GTPBP10: variants seen among roughly 807,000 people sequenced by gnomAD.
GTPBP10 encodes GTP binding protein 10.
Under a neutral mutation model 44.8 loss-of-function variants are expected in GTPBP10, and 38 were observed. The observed-to-expected ratio is 0.85, with a 90% CI of 0.65 to 1.11. The LOEUF is 1.11. Ranked by LOEUF, GTPBP10 falls within the 50% of genes most tolerant of loss-of-function variation. The pLI, the probability that GTPBP10 is intolerant of heterozygous loss-of-function variation, is 0.00. For synonymous variants in GTPBP10, 152 were observed against 150.6 expected (o/e 1.01, Z -0.07); for missense variants, 462 against 453.7 (o/e 1.02, Z -0.17).
intron 4 of GTPBP10, among the ~76,000 whole-genome samples, chr7:90,364,060 C>T (rs1796082351): frequency 6.6e-6 from 1 of 152,172 alleles, no homozygotes; most frequent in African/African-American, 2.4e-5. Flanking sequence ...AGGTTTTTAG[C>T]TTCTTTGTGA....
chr7:90,356,691 G>A (rs887348389), intron 4 of GTPBP10, among the ~76,000 whole-genome samples: 10 of 150,940 alleles, frequency 6.6e-5, no homozygotes, highest in East Asian at 1.9e-4. Flanking sequence ...TTTTCACCAC[G>A]TCATTTGTTT....
chr7:90,353,535 G>T (rs1343530519), intron 2 of GTPBP10, among the ~76,000 whole-genome samples: 1 of 152,018 alleles, frequency 6.6e-6, no homozygotes, highest in Non-Finnish European at 1.5e-5. Flanking sequence ...CAGAATACCT[G>T]CATAATAAAT....
In GTPBP10 at chr7:90,383,024, G is replaced by A; in HGVS notation, c.846G>A (p.Leu282=). ...PALLAVNKMD[L]PDAQDKFHEL... ...TCTTGGCAGTTAATAAAATGGACTTGCCAGATGCCCAAGATAAGTTCCATG... is the reference window on the plus strand; with the variant it reads ...TCTTGGCAGTTAATAAAATGGACTTACCAGATGCCCAAGATAAGTTCCATG... Residue 282 remains leucine, a synonymous_variant, in exon 9 of 10, where the codon TTG becomes TTA. Coordinates refer to ENST00000222511, the MANE Select transcript of GTPBP10 (RefSeq NM_033107.4). The A allele has an allele frequency of 6.3e-7, 1 of 1,598,064 alleles. No homozygotes were observed. The highest frequency in any genetic ancestry group is 8.5e-7 in the Non-Finnish European group (1 of 1,169,688).
intron 1 of GTPBP10, among the ~76,000 whole-genome samples, chr7:90,352,145 G>C (rs1795802296): frequency 6.6e-6 from 1 of 152,224 alleles, no homozygotes; most frequent in African/African-American, 2.4e-5. Context: ...TGTGGTGCAG[G>C]TACTAGGGCA....
At chr7:90,374,386 G>A (rs1796309243) in intron 6 of GTPBP10, 32 bp downstream of exon 6, 1 of 1,374,908 alleles carries the variant, frequency 7.3e-7, no homozygotes. Flanking sequence ...CACTATATTA[G>A]AAGTCAAAAG....
At chr7:90,384,263 T>A (rs1446919758) in intron 9 of GTPBP10, among the ~76,000 whole-genome samples, 1 of 152,212 alleles carries the variant, frequency 6.6e-6, no homozygotes, top group Non-Finnish European at 1.5e-5. Flanking sequence ...GCCTTTCTAG[T>A]TCATATCAGT....
At chr7:90,370,155 A>C (rs1307458346) in intron 4 of GTPBP10, among the ~76,000 whole-genome samples, 1 of 152,300 alleles carries the variant, frequency 6.6e-6, no homozygotes, top group South Asian at 2.1e-4. Flanking sequence ...AGATTTCTCA[A>C]AGAACTGAAA....
chr7:90,366,940 C>G (rs1198198760), intron 4 of GTPBP10, among the ~76,000 whole-genome samples: 4 of 152,150 alleles, frequency 2.6e-5, no homozygotes, highest in Non-Finnish European at 5.9e-5. Context: ...ATAAATTTCC[C>G]TCTCCACACT....
intron 4 of GTPBP10, among the ~76,000 whole-genome samples, chr7:90,361,533 G>T (rs1796021159): frequency 6.6e-6 from 1 of 152,170 alleles, no homozygotes; most frequent in Non-Finnish European, 1.5e-5. Flanking sequence ...GATTCAGTTT[G>T]CCAGTATTTT....
chr7:90,352,161 A>G (rs1251124656), intron 1 of GTPBP10, among the ~76,000 whole-genome samples: 1 of 152,214 alleles, frequency 6.6e-6, no homozygotes, highest in Non-Finnish European at 1.5e-5. Flanking sequence ...GGGCAGTGGT[A>G]CTGGAGAGAA....
chr7:90,383,693 C>T (rs977803339), intron 9 of GTPBP10: 1 of 152,128 alleles, frequency 6.6e-6, no homozygotes, highest in Non-Finnish European at 1.5e-5. Context: ...TGAATATTGA[C>T]ATTTGCAGAA....
At chr7:90,359,218 C>T (rs1160319134) in intron 4 of GTPBP10, among the ~76,000 whole-genome samples, 1 of 151,748 alleles carries the variant, frequency 6.6e-6, no homozygotes, top group East Asian at 1.9e-4. Context: ...CATAGGTATA[C>T]ATGCGCCATG....
intron 4 of GTPBP10, among the ~76,000 whole-genome samples, chr7:90,360,469 T>A (rs1795995564): frequency 6.6e-6 from 1 of 152,188 alleles, no homozygotes; most frequent in South Asian, 2.1e-4. Context: ...TTATTATTTC[T>A]GAGGGCTCTG....
chr7:90,385,892 C>T lies in GTPBP10; in HGVS notation c.*738C>T, dbSNP rs1186736606. On this transcript the variant is annotated 3_prime_UTR_variant, in exon 10 of 10. Transcript: ENST00000222511. ...CCAACATGGCGAAACCCCGTCTCTACTAAAAATATAAAAAATTAGCCAGGC... is the reference window on the plus strand; with the variant it reads ...CCAACATGGCGAAACCCCGTCTCTATTAAAAATATAAAAAATTAGCCAGGC... 1 of 152,068 alleles carries T rather than the reference C, an allele frequency of 6.6e-6. No individual in the cohort carries two copies. 9.4% of individuals were successfully genotyped at this position (152,068 alleles called of 1,614,324 possible).
chr7:90,383,213 T>A, intron 9 of GTPBP10, 134 bp downstream of exon 9: 1 of 507,478 alleles, frequency 2.0e-6, no homozygotes. Context: ...ACAAAACATG[T>A]AAATAACATT....
chr7:90,372,919 A>G (rs1452053561), intron 5 of GTPBP10, among the ~76,000 whole-genome samples: 1 of 152,232 alleles, frequency 6.6e-6, no homozygotes, highest in Non-Finnish European at 1.5e-5. Context: ...TAAGGCGTAC[A>G]TATCACTAAT....
chr7:90,354,212 T>G (rs1795849329), intron 2 of GTPBP10, among the ~76,000 whole-genome samples: 2 of 152,148 alleles, frequency 1.3e-5, no homozygotes, highest in South Asian at 4.1e-4. Flanking sequence ...TAAAATGACC[T>G]TTGGTGGTTA....
intron 9 of GTPBP10, among the ~76,000 whole-genome samples, chr7:90,384,335 A>C (rs1344511814): frequency 6.6e-6 from 1 of 152,184 alleles, no homozygotes; most frequent in Non-Finnish European, 1.5e-5. Flanking sequence ...GACAGGGAAG[A>C]GGTAAAAGTA....
chr7:90,359,026 A>G (rs1306219763), intron 4 of GTPBP10, among the ~76,000 whole-genome samples: 2 of 152,232 alleles, frequency 1.3e-5, no homozygotes, highest in African/African-American at 4.8e-5. Context: ...GGAAATGCAT[A>G]TTAAAACCAC....
Sources: allele counts gnomAD v4.1 joint callset (sites outside exome capture counted in the v4.1 genomes callset), GRCh38; gene constraint gnomAD v4.1.1; transcripts MANE v1.5; gene names NCBI Gene and HGNC (gene_info 2026-07-23, HGNC 2026-07-21).